The following PFKFB2 variants were observed in gnomAD, a reference collection of about 807,000 sequenced individuals.
PFKFB2 encodes the protein 6-phosphofructo-2-kinase/fructose-2,6-biphosphatase 2.
In PFKFB2, 53 loss-of-function variants were observed where a neutral mutation model predicts 68.0. The observed-to-expected ratio is 0.78, with a 90% confidence interval of 0.63 to 0.98. PFKFB2 has a LOEUF of 0.98. PFKFB2 is among the 50% of genes least tolerant of loss of function. PFKFB2 has a pLI of 0.00. For synonymous variants in PFKFB2, 222 were observed against 227.6 expected (o/e 0.98, Z 0.22); for missense variants, 451 against 642.0 (o/e 0.70, Z 3.22).
At position 207,069,413 on chromosome 1, in the gene PFKFB2, G is replaced by T. The variant is rs763519323; in HGVS notation, c.988-11G>T. ...TATCTCTTCAAGCCAGCTTCAAGTG[G>T]CTTTTTGCAGGGTGTGTGTGAAGAG... On this transcript the variant is annotated splice_polypyrimidine_tract_variant and intron_variant, in intron 10 of 14. Coordinates refer to ENST00000367080, the MANE Select transcript of PFKFB2 (RefSeq NM_006212.2). 1 of 1,602,964 alleles carries T rather than the reference G, an allele frequency of 6.2e-7. No homozygotes were observed. The highest frequency in any genetic ancestry group is 8.5e-7 in the Non-Finnish European group (1 of 1,169,956).
At position 207,073,091 on chromosome 1, in the gene PFKFB2, C is replaced by T. The variant is rs1683516854; in HGVS notation, c.*720C>T. 1 of 985,362 alleles carries T rather than the reference C, an allele frequency of 1.0e-6. No homozygotes were observed. The highest frequency in any genetic ancestry group is 1.2e-6 in the Non-Finnish European group (1 of 829,970). 61.0% of individuals were successfully genotyped at this position (985,362 alleles called of 1,614,324 possible). A position where few individuals can be genotyped will look rare whatever the true frequency, so the allele number is the denominator to read the frequency against. On this transcript the variant is annotated 3_prime_UTR_variant, in exon 15 of 15. Coordinates refer to ENST00000367080, the MANE Select transcript of PFKFB2 (RefSeq NM_006212.2). ...AGGACATCCACAGAATATTCTGGAG[C>T]TTGCAAGTAGACATAGGGTGAGAGT... is the stretch of plus-strand genomic sequence containing the variant.
chr1:207,062,130 C>T, intron 3 of PFKFB2, 52 bp downstream of exon 3: 4 of 1,611,408 alleles, frequency 2.5e-6, no homozygotes, highest in Non-Finnish European at 2.5e-6. Flanking sequence ...CTGGGCCTCA[C>T]AGGTCTCTGG....
In PFKFB2 at chr1:207,074,225, G is replaced by A. The variant is rs969109349; in HGVS notation, c.*1854G>A. 9 of 985,242 alleles carry A rather than the reference G, an allele frequency of 9.1e-6. No homozygotes were observed. Among genetic ancestry groups the A allele is most frequent in the Non-Finnish European group, 1.1e-5 (9 of 829,868 alleles). 61.0% of individuals were successfully genotyped at this position (985,242 alleles called of 1,614,324 possible). ...GGATAGTAGTTTCTCAGACAAAAGT[G>A]TCAGCCTAGGAATTCTGAATTCCTC... is the stretch of plus-strand genomic sequence containing the variant. On this transcript the variant is annotated 3_prime_UTR_variant, in exon 15 of 15. Coordinates refer to ENST00000367080, the MANE Select transcript of PFKFB2 (RefSeq NM_006212.2).
chr1:207,050,792 G>A, upstream of PFKFB2: 1 of 1,613,468 alleles, frequency 6.2e-7, no homozygotes, highest in South Asian at 1.1e-5. Context: ...GGCGATCCCG[G>A]TGATGGCGGC....
Position 207,063,177 on chromosome 1 carries a change from G to T in PFKFB2, c.343G>T (p.Ala115Ser), listed in dbSNP as rs779834380. 6.2e-7 allele frequency: 1 copy of T among 1,614,088 alleles called. No individual in the cohort carries two copies. Among genetic ancestry groups the T allele is most frequent in the Non-Finnish European group, 8.5e-7 (1 of 1,179,940 alleles). Residue 115 changes from alanine (A) to serine (S), a missense_variant, in exon 5 of 15, where the codon GCG (alanine) becomes TCG (serine). Physicochemically the swap from Ala to Ser is moderately conservative, Grantham distance 99. Coordinates refer to ENST00000367080, the MANE Select transcript of PFKFB2 (RefSeq NM_006212.2). This position sits in a 1 kb window ranked among gnomAD's most constrained non-coding sequence, Gnocchi z 4.1. The part of the protein sequence containing the change: ...CALVALEDVK[A>S]YLTEENGQIA... ...TCTGGTGGCGCTGGAAGATGTTAAG[G>T]CGTATCTCACTGAGGAGAATGGTCA...
intron 1 of PFKFB2, among the ~76,000 whole-genome samples, chr1:207,041,776 T>A (rs925015016): frequency 1.3e-5 from 2 of 152,224 alleles, no homozygotes; most frequent in African/African-American, 4.8e-5. Context: ...TCAAATGGTA[T>A]TTCTAGTTCT....
At chr1:207,062,574 G>T (rs1242334619) in intron 3 of PFKFB2, 46 bp from the exon 4 acceptor site, 1 of 1,599,734 alleles carries the variant, frequency 6.3e-7, no homozygotes, top group Admixed American at 1.7e-5. Flanking sequence ...ATTTGGTGGG[G>T]CCATCATATT....
downstream of PFKFB2, among the ~76,000 whole-genome samples, chr1:207,078,745 A>G (rs1196679762): frequency 6.6e-6 from 1 of 152,222 alleles, no homozygotes; most frequent in Non-Finnish European, 1.5e-5. Flanking sequence ...TCACGAGGTC[A>G]GCTCCTCAGG....
At position 207,065,019 on chromosome 1, in the gene PFKFB2, G is replaced by A; in HGVS notation, c.508-17G>A. The A allele has an allele frequency of 6.2e-7, 1 of 1,613,106 alleles. No homozygotes were observed. The highest frequency in any genetic ancestry group is 1.3e-5 in the African/African-American group (1 of 74,986). On this transcript the variant is annotated splice_polypyrimidine_tract_variant and intron_variant, in intron 7 of 14. Coordinates refer to ENST00000367080, the MANE Select transcript of PFKFB2 (RefSeq NM_006212.2). ...GCAGACCTCTGATGAGGCCTTTACT[G>A]GTTCCTATGATTTCAGGAGGTTAAG...
At chr1:207,065,305 G>T (rs1049888389) in intron 8 of PFKFB2, 145 bp downstream of exon 8, 2 of 1,442,634 alleles carry the variant, frequency 1.4e-6, no homozygotes, top group Non-Finnish European at 1.8e-6. Flanking sequence ...GTATGGATTT[G>T]TGGCTTTTAT....
At chr1:207,061,182 TA>T (rs1683103160) in intron 2 of PFKFB2, among the ~76,000 whole-genome samples, 1 of 90,322 alleles carries the variant, frequency 1.1e-5, no homozygotes, top group Admixed American at 1.5e-4. Context: ...TATATATATA[TA>T]TATATATATA....
chr1:207,062,561 C>A, intron 3 of PFKFB2, 59 bp from the exon 4 acceptor site: 1 of 1,587,306 alleles, frequency 6.3e-7, no homozygotes, highest in Non-Finnish European at 8.6e-7. Flanking sequence ...AGAAACAAGT[C>A]CCATTTGGTG....
At position 207,075,002 on chromosome 1, in the gene PFKFB2, G is replaced by A. The variant is rs373487920; in HGVS notation, c.*2631G>A. The A allele has an allele frequency of 6.1e-6, 6 of 985,334 alleles. No homozygotes were observed. The highest frequency in any genetic ancestry group is 4.7e-5 in the South Asian group (1 of 21,278). 61.0% of individuals were successfully genotyped at this position (985,334 alleles called of 1,614,324 possible). On this transcript the variant is annotated 3_prime_UTR_variant, in exon 15 of 15. Coordinates refer to ENST00000367080, the MANE Select transcript of PFKFB2 (RefSeq NM_006212.2). ...ATTGTCCACATTTGCTTGGATGGTGGCATCTGTAGCCCAAATGGGCATTCA... is the reference window on the plus strand; with the variant it reads ...ATTGTCCACATTTGCTTGGATGGTGACATCTGTAGCCCAAATGGGCATTCA...
upstream of PFKFB2, chr1:207,049,625 C>A (rs757234099): frequency 3.2e-5 from 52 of 1,614,200 alleles, no homozygotes; most frequent in Non-Finnish European, 4.4e-5. Context: ...CTGGTAAGCA[C>A]AGGCAAAGTT....
upstream of PFKFB2, chr1:207,049,490 C>T (rs766301432): frequency 5.0e-6 from 8 of 1,614,158 alleles, no homozygotes; most frequent in South Asian, 5.5e-5. Flanking sequence ...AAGTCTGGAT[C>T]GCTTGCTACA....
chr1:207,071,345 T>C (rs1683459937), intron 13 of PFKFB2, 95 bp downstream of exon 13: 5 of 1,173,920 alleles, frequency 4.3e-6, no homozygotes, highest in Non-Finnish European at 6.4e-6. Flanking sequence ...ATTATCCCTA[T>C]ATACCAGGGA....
chr1:207,038,970 G>A (rs915665855), intron 1 of PFKFB2, among the ~76,000 whole-genome samples: 2 of 152,146 alleles, frequency 1.3e-5, no homozygotes, highest in African/African-American at 4.8e-5. Flanking sequence ...TTTGCAATAA[G>A]TAAAAGCTCA....
intron 8 of PFKFB2, among the ~76,000 whole-genome samples, chr1:207,067,049 G>A (rs2086949): frequency 6.6e-6 from 1 of 152,218 alleles, no homozygotes; most frequent in Non-Finnish European, 1.5e-5. Flanking sequence ...GGTAGATGCA[G>A]GGAGTATATA....
In PFKFB2 at chr1:207,074,299, A is replaced by G; in HGVS notation, c.*1928A>G. On this transcript the variant is annotated 3_prime_UTR_variant, in exon 15 of 15. Coordinates refer to ENST00000367080, the MANE Select transcript of PFKFB2 (RefSeq NM_006212.2). Reference sequence around the variant, plus strand: ...TGGGTTTGATGTTTGAGCAGATCATAATGTTAAATGATATAACCCCCTGGA... The same window carrying G: ...TGGGTTTGATGTTTGAGCAGATCATGATGTTAAATGATATAACCCCCTGGA... The G allele has an allele frequency of 1.0e-6, 1 of 985,436 alleles. No homozygotes were observed. 61.0% of individuals were successfully genotyped at this position (985,436 alleles called of 1,614,324 possible).
Sources: allele counts gnomAD v4.1 joint callset (sites outside exome capture counted in the v4.1 genomes callset), GRCh38; gene constraint gnomAD v4.1.1; non-coding constraint Gnocchi (gnomAD v3.1); transcripts MANE v1.5; gene names NCBI Gene and HGNC (gene_info 2026-07-23, HGNC 2026-07-21).